Variants in KCNAB1 observed in about 807,000 individuals in gnomAD.
KCNAB1 encodes the protein voltage-gated potassium channel subunit beta-1.
Under a neutral mutation model 64.6 loss-of-function variants are expected in KCNAB1, and 35 were observed. That is an observed-to-expected ratio of 0.54 (90% CI 0.41 to 0.72). The LOEUF (loss-of-function observed/expected upper bound fraction) is 0.72. KCNAB1 is among the 30% of genes least tolerant of loss of function. KCNAB1 has a pLI of 0.00. For synonymous variants in KCNAB1, 177 were observed against 183.8 expected (o/e 0.96, Z 0.30); for missense variants, 401 against 512.9 (o/e 0.78, Z 2.11).
chr3:156,195,413 GCCTTC>G (rs1304604163), intron 1 of KCNAB1, among the ~76,000 whole-genome samples: 5 of 152,180 alleles, frequency 3.3e-5, no homozygotes, highest in Non-Finnish European at 7.3e-5. Flanking sequence ...CAGTGTAAAA[GCCTTC>G]CTATTTCTCC....
chr3:156,195,797 G>A (rs1346395100), intron 1 of KCNAB1, among the ~76,000 whole-genome samples: 1 of 151,872 alleles, frequency 6.6e-6, no homozygotes. Context: ...TTTAATTAGA[G>A]GCCATTTGTC....
chr3:156,359,946 C>T (rs1725494050), intron 1 of KCNAB1, among the ~76,000 whole-genome samples: 1 of 152,210 alleles, frequency 6.6e-6, no homozygotes, highest in African/African-American at 2.4e-5. Flanking sequence ...GACCATTTTA[C>T]TCCATTGGAG....
chr3:156,350,873 A>G (rs1724810398), intron 1 of KCNAB1, among the ~76,000 whole-genome samples: 1 of 152,246 alleles, frequency 6.6e-6, no homozygotes, highest in Admixed American at 6.5e-5. Context: ...TGTCCCTGGC[A>G]CTGGGCTAGG....
intron 1 of KCNAB1, among the ~76,000 whole-genome samples, chr3:156,265,155 C>A (rs1718626650): frequency 6.6e-6 from 1 of 152,182 alleles, no homozygotes; most frequent in African/African-American, 2.4e-5. Flanking sequence ...ATGTCTACAT[C>A]TGGGGACATG....
chr3:156,150,905 G>C (rs557472679), intron 1 of KCNAB1, among the ~76,000 whole-genome samples: 8 of 152,292 alleles, frequency 5.3e-5, no homozygotes, highest in Admixed American at 5.2e-4. Flanking sequence ...ACCTAACCCA[G>C]TTAGATATTT....
intron 1 of KCNAB1, among the ~76,000 whole-genome samples, chr3:156,335,853 G>GTTTTTT (rs4056366): frequency 4.4e-5 from 6 of 135,304 alleles, no homozygotes; most frequent in East Asian, 2.2e-4. Flanking sequence ...AATTGTTTGG[G>GTTTTTT]TTTTTTTTTT....
intron 1 of KCNAB1, among the ~76,000 whole-genome samples, chr3:156,395,582 A>AAAAAAC (rs1713397724): frequency 7.0e-6 from 1 of 142,324 alleles, no homozygotes. Context: ...AAAAAAAAAA[A>AAAAAAC]AAATCAGACA....
intron 1 of KCNAB1, among the ~76,000 whole-genome samples, chr3:156,389,261 A>G (rs1712841424): frequency 6.6e-6 from 1 of 152,186 alleles, no homozygotes; most frequent in Admixed American, 6.5e-5. Context: ...TGAAAGGCAC[A>G]GTCCAATTCT....
At chr3:156,139,943 A>G (rs1714610077) in intron 1 of KCNAB1, among the ~76,000 whole-genome samples, 1 of 152,164 alleles carries the variant, frequency 6.6e-6, no homozygotes, top group South Asian at 2.1e-4. Flanking sequence ...TTTGTTTCCC[A>G]AAGGAGGTAC....
At chr3:156,181,485 T>G (rs1416274027) in intron 1 of KCNAB1, among the ~76,000 whole-genome samples, 1 of 152,202 alleles carries the variant, frequency 6.6e-6, no homozygotes, top group African/African-American at 2.4e-5. Flanking sequence ...AAGCTCTCCT[T>G]GGGGACTGTC....
chr3:156,320,567 G>C (rs1339471748), intron 1 of KCNAB1, among the ~76,000 whole-genome samples: 1 of 152,212 alleles, frequency 6.6e-6, no homozygotes, highest in South Asian at 2.1e-4. Context: ...GGAGATCTCA[G>C]AGAAAATCTA....
At chr3:156,403,892 T>TAAAAAAAAAAAAAAAAAA (rs200824639) in intron 1 of KCNAB1, among the ~76,000 whole-genome samples, 59 of 136,818 alleles carry the variant, frequency 4.3e-4, no homozygotes, top group African/African-American at 1.3e-3. Flanking sequence ...AGACTCTGCC[T>TAAAAAAAAAAAAAAAAAA]AAAAAAAAAA....
At chr3:156,222,192 T>A (rs1715815169) in intron 1 of KCNAB1, among the ~76,000 whole-genome samples, 1 of 152,070 alleles carries the variant, frequency 6.6e-6, no homozygotes, top group African/African-American at 2.4e-5. Flanking sequence ...TCACCTAACA[T>A]ATGAGGACTC....
chr3:156,303,779 A>C (rs1721308701), intron 1 of KCNAB1, among the ~76,000 whole-genome samples: 1 of 152,190 alleles, frequency 6.6e-6, no homozygotes, highest in African/African-American at 2.4e-5. Context: ...AGCCTGACCT[A>C]CTTTGCTGTC....
chr3:156,140,894 G>C (rs1431173200), intron 1 of KCNAB1, among the ~76,000 whole-genome samples: 1 of 152,150 alleles, frequency 6.6e-6, no homozygotes, highest in Non-Finnish European at 1.5e-5. Flanking sequence ...ATGTGCGCGT[G>C]TGTGAAGATT....
intron 1 of KCNAB1, among the ~76,000 whole-genome samples, chr3:156,230,787 GTTTA>G (rs1716473376): frequency 1.3e-5 from 2 of 152,230 alleles, no homozygotes; most frequent in Admixed American, 6.5e-5. Flanking sequence ...CACAGGATAT[GTTTA>G]TTTGTGAGAA....
At chr3:156,411,677 T>TG (rs1391712951) in intron 1 of KCNAB1, among the ~76,000 whole-genome samples, 3 of 152,194 alleles carry the variant, frequency 2.0e-5, no homozygotes, top group African/African-American at 7.2e-5. Context: ...TGTACTTGTG[T>TG]GGGGCTATTT....
intron 7 of KCNAB1, among the ~76,000 whole-genome samples, chr3:156,469,234 T>C (rs922342868): frequency 3.2e-5 from 4 of 123,746 alleles, no homozygotes; most frequent in East Asian, 3.9e-4. Context: ...GGTTCTCTCT[T>C]TCTTTCTTTC....
chr3:156,338,847 G>A (rs1470892605), intron 1 of KCNAB1, among the ~76,000 whole-genome samples: 1 of 152,126 alleles, frequency 6.6e-6, no homozygotes, highest in Non-Finnish European at 1.5e-5. Flanking sequence ...ATCTCCCTTG[G>A]CACCTCATGG....
Sources: allele counts gnomAD v4.1 joint callset (sites outside exome capture counted in the v4.1 genomes callset), GRCh38; gene constraint gnomAD v4.1.1; transcripts MANE v1.5; gene names NCBI Gene and HGNC (gene_info 2026-07-23, HGNC 2026-07-21).